PLCB3: variants seen among roughly 807,000 people sequenced by gnomAD.
PLCB3 encodes 1-phosphatidylinositol 4,5-bisphosphate phosphodiesterase beta-3.
In PLCB3, 54 loss-of-function variants were observed where a neutral mutation model predicts 152.1. The observed-to-expected ratio is 0.36, with a 90% confidence interval of 0.29 to 0.45. The LOEUF (loss-of-function observed/expected upper bound fraction) is 0.45. Among genes scored for constraint, PLCB3 ranks in the 20% least tolerant of loss-of-function variants. PLCB3 has a pLI of 1.00. For synonymous variants in PLCB3, 717 were observed against 698.7 expected, an observed-to-expected ratio of 1.03 and a Z score of -0.41; for missense variants, 1,248 against 1,687.5, an observed-to-expected ratio of 0.74 and a Z score of 4.56.
At position 64,263,716 on chromosome 11, in the gene PLCB3, C is replaced by G. The variant is rs377311495; in HGVS notation, c.2481C>G (p.Asn827Lys). 6.2e-7 allele frequency: 1 copy of G among 1,613,528 alleles called. No homozygotes were observed. Reference protein sequence around the residue: ...RSGYHYVCLRNEANQPLCLPA... With the variant: ...RSGYHYVCLRKEANQPLCLPA... Reference sequence around the variant, plus strand: ...GATACCACTACGTCTGCCTGCGGAACGAGGCCAACCAACCGCTGTGCCTGC... The same window carrying G: ...GATACCACTACGTCTGCCTGCGGAAGGAGGCCAACCAACCGCTGTGCCTGC... The change falls in exon 21 of 31, where the codon AAC (asparagine) becomes AAG (lysine). Residue 827 changes from asparagine (N) to lysine (K), a missense_variant. Transcript: ENST00000279230.
Position 64,255,364 on chromosome 11 carries a change from T to C in PLCB3, c.468-32T>C. The stretch of plus-strand genomic sequence containing the variant: ...AGCCGGGGGGTTCACGTGGCCGTTT[T>C]CAGGGTGTGACCTCTTCATCTGCCT... On this transcript the variant is annotated intron_variant, in intron 5 of 30. Transcript: ENST00000279230. The surrounding 1 kb of genome is among the most constrained non-coding windows in gnomAD (Gnocchi z 6.8). The C allele has an allele frequency of 6.2e-7, 1 of 1,614,056 alleles. No individual in the cohort carries two copies. Among genetic ancestry groups the C allele is most frequent in the African/African-American group, 1.3e-5 (1 of 75,054 alleles).
rs185360102 is a variant in PLCB3 at position 64,262,426 on chromosome 11, C to T, written c.2058C>T (p.Asn686=). ...FQTLDVAMQL[N]AGVFEYNGRS... The stretch of plus-strand genomic sequence containing the variant: ...CCCCAGATGTGGCGATGCAGCTCAA[C>T]GCGGGCGTTTTTGAGTACAACGGGC... Residue 686 remains asparagine (N), a synonymous_variant, in exon 18 of 31, where the codon AAC becomes AAT. Coordinates refer to ENST00000279230, the MANE Select transcript of PLCB3 (RefSeq NM_000932.5). 26 of 1,613,574 alleles carry T rather than the reference C, an allele frequency of 1.6e-5. No individual in the cohort carries two copies. The highest frequency in any genetic ancestry group is 3.3e-5 in the South Asian group (3 of 91,086).
rs1242952677 is a variant in PLCB3, at chr11:64,267,006, C to T, written c.3415-179C>T. On this transcript the variant is annotated intron_variant, in intron 29 of 30. Coordinates refer to ENST00000279230, the MANE Select transcript of PLCB3 (RefSeq NM_000932.5). The surrounding 1 kb of genome is among the most constrained non-coding windows in gnomAD (Gnocchi z 5.2). ...ATGGGGTTTCACCATGTTGGCCAGGCTGTTCTCGAACTCCTGACCTCAGGT... is the reference window on the plus strand; with the variant it reads ...ATGGGGTTTCACCATGTTGGCCAGGTTGTTCTCGAACTCCTGACCTCAGGT... Among the ~76,000 whole-genome samples, 1 of 152,194 alleles carries T rather than the reference C, an allele frequency of 6.6e-6. No homozygotes were observed. Among genetic ancestry groups the T allele is most frequent in the Non-Finnish European group, 1.5e-5 (1 of 68,022 alleles).
downstream of PLCB3, among the ~76,000 whole-genome samples, chr11:64,268,125 G>A: frequency 6.6e-6 from 1 of 152,120 alleles, no homozygotes; most frequent in East Asian, 1.9e-4. Context: ...CGCTGTTCCT[G>A]TTCCCCCATC....
chr11:64,256,280 G>T (rs599908), intron 8 of PLCB3, 96 bp from the exon 9 acceptor site: 1 of 1,116,226 alleles, frequency 9.0e-7, no homozygotes, highest in Non-Finnish European at 1.3e-6. Flanking sequence ...AGATCCAGGG[G>T]CAGGCCTTCT....
chr11:64,258,851 G>A lies in PLCB3; in HGVS notation c.1254-34G>A. On this transcript the variant is annotated intron_variant, in intron 11 of 30. Transcript: ENST00000279230. This position sits in a 1 kb window ranked among gnomAD's most constrained non-coding sequence, Gnocchi z 7.2. ...GTAGACCTCAGCTTCCTCTCTGGGGGAGGGATCTCTGACCTCTGACCTCGG... is the reference window on the plus strand; with the variant it reads ...GTAGACCTCAGCTTCCTCTCTGGGGAAGGGATCTCTGACCTCTGACCTCGG... 5.6e-6 allele frequency: 9 copies of A among 1,612,038 alleles called. No individual in the cohort carries two copies. Among genetic ancestry groups the A allele is most frequent in the African/African-American group, 1.3e-5 (1 of 74,986 alleles).
intron 8 of PLCB3, 42 bp from the exon 9 acceptor site, chr11:64,256,334 C>T (rs774927690): frequency 5.0e-6 from 8 of 1,589,368 alleles, no homozygotes; most frequent in Non-Finnish European, 6.0e-6. Context: ...GGGTGGGAGC[C>T]CTGCCAGGCT....
Position 64,255,707 on chromosome 11 carries a change from T to C in PLCB3, c.598-14T>C, listed in dbSNP as rs767648257. ...CCGCCCCTGGCTTCTCACCCCACAC[T>C]CCTCGACCTCCAGAGTGAGTCCATC... On this transcript the variant is annotated splice_polypyrimidine_tract_variant and intron_variant, in intron 7 of 30. Coordinates refer to ENST00000279230, the MANE Select transcript of PLCB3 (RefSeq NM_000932.5). The surrounding 1 kb of genome is among the most constrained non-coding windows in gnomAD (Gnocchi z 6.8). 1 of 1,612,606 alleles carries C rather than the reference T, an allele frequency of 6.2e-7. No homozygotes were observed.
intron 1 of PLCB3, among the ~76,000 whole-genome samples, chr11:64,252,340 C>T (rs535184988): frequency 8.6e-4 from 131 of 152,212 alleles, no homozygotes; most frequent in African/African-American, 2.9e-3. Flanking sequence ...AGTTCCTCCA[C>T]CCCTGGGAAC....
chr11:64,254,168 A>C lies in PLCB3; in HGVS notation c.100-247A>C, dbSNP rs758305574. On this transcript the variant is annotated intron_variant, in intron 1 of 30. Transcript: ENST00000279230. ...CAAAGCCCTGGGAAAGGTCAGGTAGAATCCTAGGGCCAGAGGGAGGTGAGG... is the reference window on the plus strand; with the variant it reads ...CAAAGCCCTGGGAAAGGTCAGGTAGCATCCTAGGGCCAGAGGGAGGTGAGG... 3.9e-5 allele frequency among the ~76,000 whole-genome samples: 6 copies of C among 152,196 alleles called. No individual in the cohort carries two copies. The East Asian group carries it at 9.7e-4, about 25-fold the overall frequency.
chr11:64,260,596 G>C (rs995398820), intron 14 of PLCB3, among the ~76,000 whole-genome samples: 2 of 152,018 alleles, frequency 1.3e-5, no homozygotes, highest in African/African-American at 4.8e-5. Flanking sequence ...TTGAGTAGCT[G>C]TGAGGAATGG....
chr11:64,265,035 C>CCCCGGGT lies in PLCB3; in HGVS notation c.2737_2738insCCCGGGT (p.Leu913ProfsTer29). On this transcript the variant is annotated frameshift_variant, in exon 23 of 31. Coordinates refer to ENST00000279230, the MANE Select transcript of PLCB3 (RefSeq NM_000932.5). LOFTEE classifies it high-confidence loss of function. The stretch of plus-strand genomic sequence containing the variant: ...GTCCTCAAACCCCACCCCCAGCCCA[C>CCCCGGGT]TGGATGCCTCCCCCCGCCGGCCCCC... 1 of 1,511,846 alleles carries CCCCGGGT rather than the reference C, an allele frequency of 6.6e-7. No homozygotes were observed. The highest frequency in any genetic ancestry group is 1.2e-5 in the South Asian group (1 of 81,326). The allele number at this position is 1,511,846 out of a possible 1,614,324, so 93.7% of individuals were successfully genotyped here. A position where few individuals can be genotyped will look rare whatever the true frequency, so the allele number is the denominator to read the frequency against.
At chr11:64,256,836 G>C in intron 10 of PLCB3, 72 bp downstream of exon 10, 1 of 1,513,178 alleles carries the variant, frequency 6.6e-7, no homozygotes, top group Non-Finnish European at 9.0e-7. Flanking sequence ...TCCTCCTGGG[G>C]CACAGTCCTT....
chr11:64,261,821 C>A, intron 16 of PLCB3, 131 bp from the exon 17 acceptor site: 1 of 1,475,112 alleles, frequency 6.8e-7, no homozygotes, highest in Non-Finnish European at 9.4e-7. Flanking sequence ...TCCAGGCAGT[C>A]TCAGGGGGCA....
At chr11:64,269,381 A>C (rs2032321033), downstream of PLCB3, among the ~76,000 whole-genome samples, 1 of 152,174 alleles carries the variant, frequency 6.6e-6, no homozygotes, top group Admixed American at 6.5e-5. Context: ...GGGCGCCAAT[A>C]AATCTTTCTG....
At chr11:64,260,292 C>A in intron 14 of PLCB3, 58 bp downstream of exon 14, 1 of 1,275,588 alleles carries the variant, frequency 7.8e-7, no homozygotes, top group Non-Finnish European at 1.1e-6. Context: ...TCCCAGGGGG[C>A]TGGGTCTGAC....
chr11:64,267,456 G>A lies in PLCB3; in HGVS notation c.3605G>A (p.Gly1202Glu), dbSNP rs1243495747. 5.1e-6 allele frequency: 8 copies of A among 1,555,882 alleles called. No individual in the cohort carries two copies. In the African/African-American group the frequency reaches 8.2e-5, roughly 16 times the overall value. The change falls in exon 31 of 31, where the codon GGG becomes GAG. Residue 1202 changes from glycine to glutamate, a missense_variant. Gly to Glu is a moderately conservative substitution (Grantham distance 98). Around this residue, in one of 6 missense-constraint regions of PLCB3, gnomAD observed 477 missense variants for 489.6 expected, o/e 0.97. Transcript: ENST00000279230. The surrounding 1 kb of genome is among the most constrained non-coding windows in gnomAD (Gnocchi z 5.2). Reference sequence around the variant, plus strand: ...GAGATGCCGGAGGGGCTGGGGGACGGGCCTCTGGTGGCCTGTGCCAGCAAC... The same window carrying A: ...GAGATGCCGGAGGGGCTGGGGGACGAGCCTCTGGTGGCCTGTGCCAGCAAC... ...LGEMPEGLGD[G>E]PLVACASNGH...
At chr11:64,252,803 G>T (rs2532597) in intron 1 of PLCB3, among the ~76,000 whole-genome samples, 1 of 152,056 alleles carries the variant, frequency 6.6e-6, no homozygotes, top group Non-Finnish European at 1.5e-5. Flanking sequence ...CAGGGAGAGG[G>T]CCCTGGGGGT....
chr11:64,258,997 G>T lies in PLCB3; in HGVS notation c.1338+28G>T. ...ACGGGAGCTCGGAGCGAGGGGGGTG[G>T]CATGGGGGCCAGGGTGCTGCGGACC... is the stretch of plus-strand genomic sequence containing the variant. On this transcript the variant is annotated intron_variant, in intron 12 of 30. Coordinates refer to ENST00000279230, the MANE Select transcript of PLCB3 (RefSeq NM_000932.5). The surrounding 1 kb of genome is among the most constrained non-coding windows in gnomAD (Gnocchi z 7.2). 2 of 1,613,204 alleles carry T rather than the reference G, an allele frequency of 1.2e-6. No individual in the cohort carries two copies. Among genetic ancestry groups the T allele is most frequent in the Non-Finnish European group, 1.7e-6 (2 of 1,179,522 alleles).
Sources: gnomAD v4.1 joint callset for allele counts (sites outside exome capture counted in the v4.1 genomes callset) on GRCh38, gnomAD v4.1.1 for gene constraint, gnomAD v4.1.1 regional missense constraint, Gnocchi (gnomAD v3.1) non-coding constraint, MANE v1.5 for transcripts, NCBI Gene and HGNC (gene_info 2026-07-23, HGNC 2026-07-21) for gene names.